RAD51C: variants seen among roughly 807,000 people sequenced by gnomAD.
RAD51C encodes the protein RAD51 paralog C.
A neutral mutation model predicts 45.0 loss-of-function variants in RAD51C; 42 were observed. The ratio of observed to expected loss-of-function variants is 0.93; its 90% CI spans 0.73 to 1.21. The LOEUF (loss-of-function observed/expected upper bound fraction) is 1.21, where lower values mean the gene tolerates loss of function less well. RAD51C is among the 50% of genes most tolerant of loss of function. RAD51C has a pLI of 0.00. For synonymous variants in RAD51C, 172 were observed against 159.8 expected, an observed-to-expected ratio of 1.08 and a Z score of -0.58; for missense variants, 474 against 452.2, an observed-to-expected ratio of 1.05 and a Z score of -0.44.
At chr17:58,708,804 G>A (rs1467236686) in intron 4 of RAD51C, among the ~76,000 whole-genome samples, 2 of 151,772 alleles carry the variant, frequency 1.3e-5, no homozygotes, top group East Asian at 1.9e-4. Flanking sequence ...TCCTGACCTC[G>A]TGATCCACCT....
rs1413872299 is a variant in RAD51C, at chr17:58,703,195, G to T, written c.572-1G>T. On this transcript the variant is annotated splice_acceptor_variant, in intron 3 of 8. Transcript: ENST00000337432. LOFTEE classifies it high-confidence loss of function. ...TAATTAAGAGTGTTTTGTTGTTTCA[G>T]AACACCGAAAAGCTTTGGAGGATTT... The T allele has an allele frequency of 6.2e-7, 1 of 1,611,494 alleles. No homozygotes were observed. Among genetic ancestry groups the T allele is most frequent in the Non-Finnish European group, 8.5e-7 (1 of 1,177,948 alleles).
intron 7 of RAD51C, among the ~76,000 whole-genome samples, chr17:58,729,960 T>C (rs987837365): frequency 2.0e-5 from 3 of 152,094 alleles, no homozygotes; most frequent in African/African-American, 7.2e-5. Context: ...CTAGGCACCT[T>C]TTTTGGACAT....
At chr17:58,709,825 G>A (rs375016739) in intron 4 of RAD51C, 34 bp from the exon 5 acceptor site, 74 of 1,566,690 alleles carry the variant, frequency 4.7e-5, no homozygotes, top group Middle Eastern at 1.7e-4. Flanking sequence ...TTTATTTTTC[G>A]TAACAAATCT....
rs182362959 is a variant in RAD51C at position 58,711,254 on chromosome 17, C to G, written c.837+1264C>G. On this transcript the variant is annotated intron_variant, in intron 5 of 8. Coordinates refer to ENST00000337432, the MANE Select transcript of RAD51C (RefSeq NM_058216.3). ...AAAAAAGCAATCCAAACAATAACAT[C>G]AAATAGTAGGTAGTGTTTAAGAAGA... Among the ~76,000 whole-genome samples the G allele has an allele frequency of 9.9e-5, 15 of 152,156 alleles. No individual in the cohort carries two copies. In the East Asian group the frequency reaches 2.9e-3, roughly 29 times the overall value.
At chr17:58,713,522 G>A (rs1371210070) in intron 5 of RAD51C, among the ~76,000 whole-genome samples, 2 of 151,852 alleles carry the variant, frequency 1.3e-5, no homozygotes, top group Admixed American at 6.6e-5. Context: ...TAAATTTTTT[G>A]TAGAGGCTGG....
intron 1 of RAD51C, chr17:58,693,826 G>A (rs760426487): frequency 2.0e-5 from 3 of 152,170 alleles, no homozygotes; most frequent in Admixed American, 6.6e-5. Flanking sequence ...GTGGTGCCAG[G>A]ATTTACAAAC....
intron 5 of RAD51C, among the ~76,000 whole-genome samples, chr17:58,718,338 T>A (rs1348938556): frequency 2.6e-5 from 4 of 152,100 alleles, no homozygotes; most frequent in African/African-American, 9.7e-5. Flanking sequence ...ATTTTCAGAG[T>A]AGACACCTTT....
intron 3 of RAD51C, among the ~76,000 whole-genome samples, chr17:58,700,784 T>A (rs993461528): frequency 1.3e-5 from 2 of 152,184 alleles, no homozygotes; most frequent in Non-Finnish European, 2.9e-5. Flanking sequence ...GTCATTGTTT[T>A]GGTGAAAATT....
rs1567783294 is a variant in RAD51C, at chr17:58,692,789, G to GTT, written c.145+2_145+3insTT. Reference sequence around the variant, plus strand: ...GTGAAACCCTCCGAGCTTAGCAAAGGTAACGACTCCTGATGGCAAGCTGAG... The same window carrying GTT: ...GTGAAACCCTCCGAGCTTAGCAAAGGTTTAACGACTCCTGATGGCAAGCTGAG... On this transcript the variant is annotated splice_donor_variant, in intron 1 of 8. Transcript: ENST00000337432. LOFTEE classifies it high-confidence loss of function. 1 of 1,614,194 alleles carries GTT rather than the reference G, an allele frequency of 6.2e-7. No homozygotes were observed. Among genetic ancestry groups the GTT allele is most frequent in the Non-Finnish European group, 8.5e-7 (1 of 1,180,030 alleles).
intron 6 of RAD51C, among the ~76,000 whole-genome samples, chr17:58,722,503 G>A (rs1377445919): frequency 6.6e-6 from 1 of 152,160 alleles, no homozygotes; most frequent in Non-Finnish European, 1.5e-5. Flanking sequence ...GCAAGTGACT[G>A]CCCTGTTGTG....
intron 4 of RAD51C, among the ~76,000 whole-genome samples, chr17:58,709,436 T>G (rs1210291011): frequency 6.6e-6 from 1 of 152,152 alleles, no homozygotes; most frequent in Admixed American, 6.6e-5. Context: ...TAACTTTTAG[T>G]GATTATTGCA....
intron 3 of RAD51C, among the ~76,000 whole-genome samples, chr17:58,702,497 G>A (rs1358164584): frequency 2.6e-5 from 4 of 151,580 alleles, no homozygotes; most frequent in African/African-American, 9.7e-5. Context: ...GTTCAAGACC[G>A]GCCTGGCCAA....
At chr17:58,701,367 G>A (rs930615748) in intron 3 of RAD51C, among the ~76,000 whole-genome samples, 6 of 151,588 alleles carry the variant, frequency 4.0e-5, no homozygotes, top group African/African-American at 1.2e-4. Context: ...AATTAGCCTG[G>A]CATGGTGGCG....
chr17:58,707,010 C>T (rs1374617062), intron 4 of RAD51C, among the ~76,000 whole-genome samples: 1 of 152,140 alleles, frequency 6.6e-6, no homozygotes, highest in Non-Finnish European at 1.5e-5. Context: ...ATTCATCTGT[C>T]TCCTCTTTCA....
chr17:58,713,653 C>T (rs2143878769), intron 5 of RAD51C, among the ~76,000 whole-genome samples: 1 of 152,090 alleles, frequency 6.6e-6, no homozygotes, highest in South Asian at 2.1e-4. Context: ...ACTAATAATA[C>T]AAAAATTAGC....
intron 4 of RAD51C, among the ~76,000 whole-genome samples, chr17:58,705,250 C>T (rs1229188341): frequency 3.9e-5 from 6 of 152,024 alleles, no homozygotes. Flanking sequence ...GGGCTTTCTT[C>T]CTGGCTTGCA....
At chr17:58,721,695 G>A (rs2048922972) in intron 6 of RAD51C, among the ~76,000 whole-genome samples, 1 of 151,796 alleles carries the variant, frequency 6.6e-6, no homozygotes, top group African/African-American at 2.4e-5. Context: ...GGGGGCAGAG[G>A]TTGCAGTAAG....
At chr17:58,692,601 C>T (rs768020569), upstream of RAD51C, 1 of 1,612,092 alleles carries the variant, frequency 6.2e-7, no homozygotes, top group South Asian at 1.1e-5. Flanking sequence ...CCAGCGAGGG[C>T]GTGCGGAGTT....
chr17:58,720,705 CAA>C (rs2048887843), intron 5 of RAD51C, 39 bp from the exon 6 acceptor site: 3 of 1,491,712 alleles, frequency 2.0e-6, no homozygotes, highest in Non-Finnish European at 2.8e-6. Flanking sequence ...TGATAATTTT[CAA>C]AGAGACTCAC....
Sources: allele counts gnomAD v4.1 joint callset (sites outside exome capture counted in the v4.1 genomes callset), GRCh38; gene constraint gnomAD v4.1.1; transcripts MANE v1.5; gene names NCBI Gene and HGNC (gene_info 2026-07-23, HGNC 2026-07-21).